The following ADD3 variants were observed in gnomAD, a reference collection of about 807,000 sequenced individuals.
ADD3 encodes the protein gamma-adducin.
In ADD3, 25 loss-of-function variants were observed where a neutral mutation model predicts 80.2. The ratio of observed to expected loss-of-function variants is 0.31; its 90% confidence interval spans 0.23 to 0.44. The LOEUF (loss-of-function observed/expected upper bound fraction) is 0.44. Ranked by LOEUF, ADD3 falls within the 20% of genes least tolerant of loss-of-function variation. The pLI is 1.00. For synonymous variants in ADD3, 284 were observed against 289.6 expected, an observed-to-expected ratio of 0.98 and a Z score of 0.20; for missense variants, 829 against 847.5, an observed-to-expected ratio of 0.98 and a Z score of 0.27.
intron 1 of ADD3, among the ~76,000 whole-genome samples, chr10:110,087,075 G>A (rs2481113): frequency 0.066 from 9,979 of 151,970 alleles, 556 homozygotes; most frequent in African/African-American, 0.15. Flanking sequence ...CACCCAGGCT[G>A]GAGTGCAGTG....
At chr10:110,032,171 A>G (rs1397274696) in intron 1 of ADD3, among the ~76,000 whole-genome samples, 2 of 152,218 alleles carry the variant, frequency 1.3e-5, no homozygotes, top group Non-Finnish European at 2.9e-5. Flanking sequence ...GTTGAAGTAA[A>G]ATAATGGGAT....
chr10:110,081,021 A>G (rs1564942294), intron 1 of ADD3, among the ~76,000 whole-genome samples: 1 of 152,230 alleles, frequency 6.6e-6, no homozygotes, highest in Non-Finnish European at 1.5e-5. Flanking sequence ...TGTTCTAAAG[A>G]TAAAATGATG....
chr10:110,055,689 T>C (rs1347269751), intron 1 of ADD3, among the ~76,000 whole-genome samples: 1 of 152,224 alleles, frequency 6.6e-6, no homozygotes, highest in Non-Finnish European at 1.5e-5. Flanking sequence ...TTAGTAACTC[T>C]GTGTCCTTGA....
At chr10:110,131,073 TA>T (rs962891092) in intron 13 of ADD3, among the ~76,000 whole-genome samples, 1 of 152,210 alleles carries the variant, frequency 6.6e-6, no homozygotes, top group South Asian at 2.1e-4. Context: ...TGATGCTTTG[TA>T]AAATCTCTAT....
chr10:110,084,026 T>C (rs1480858037), intron 1 of ADD3, among the ~76,000 whole-genome samples: 2 of 152,208 alleles, frequency 1.3e-5, no homozygotes, highest in African/African-American at 4.8e-5. Context: ...TACAGCTAAA[T>C]AGACACTATA....
intron 1 of ADD3, among the ~76,000 whole-genome samples, chr10:109,999,979 G>C (rs1441107392): frequency 6.6e-6 from 1 of 150,786 alleles, no homozygotes; most frequent in Non-Finnish European, 1.5e-5. Context: ...GAATACAATG[G>C]TGCGATCTCG....
intron 1 of ADD3, among the ~76,000 whole-genome samples, chr10:110,020,251 T>C (rs927895031): frequency 3.9e-5 from 6 of 152,216 alleles, no homozygotes; most frequent in Admixed American, 6.5e-5. Context: ...AATTTGGCAG[T>C]AAGCAAAACA....
intron 1 of ADD3, among the ~76,000 whole-genome samples, chr10:110,021,341 T>G (rs1325116371): frequency 6.6e-6 from 1 of 152,170 alleles, no homozygotes; most frequent in Non-Finnish European, 1.5e-5. Context: ...TGGTAACGGT[T>G]TACGATCCAG....
At chr10:110,085,823 G>A (rs1846658520) in intron 1 of ADD3, among the ~76,000 whole-genome samples, 1 of 152,162 alleles carries the variant, frequency 6.6e-6, no homozygotes, top group Admixed American at 6.5e-5. Context: ...AAACAGACTT[G>A]GGCCGGGCAT....
In ADD3 at chr10:110,116,418, C is replaced by A. The variant is rs757530468; in HGVS notation, c.486+8C>A. 2 of 1,612,412 alleles carry A rather than the reference C, an allele frequency of 1.2e-6. No homozygotes were observed. Among genetic ancestry groups the A allele is most frequent in the South Asian group, 1.1e-5 (1 of 90,752 alleles). On this transcript the variant is annotated splice_region_variant and intron_variant, in intron 4 of 14. Coordinates refer to ENST00000356080, the MANE Select transcript of ADD3 (RefSeq NM_016824.5). The stretch of plus-strand genomic sequence containing the variant: ...GCAAATACCTATATCTCAGTGAGTT[C>A]TTCAGCTTTCAATTCCTTTTTTAAA...
intron 1 of ADD3, among the ~76,000 whole-genome samples, chr10:110,073,840 A>G (rs1845064232): frequency 6.6e-6 from 1 of 152,164 alleles, no homozygotes; most frequent in African/African-American, 2.4e-5. Context: ...CCAACTGAGT[A>G]GAGGAACCCA....
At chr10:109,999,945 A>T (rs1456220168) in intron 1 of ADD3, among the ~76,000 whole-genome samples, 1 of 144,690 alleles carries the variant, frequency 6.9e-6, no homozygotes, top group Non-Finnish European at 1.5e-5. Context: ...TTTGAGACAG[A>T]GTCTCAATGT....
rs61566100 is a variant in ADD3 at position 110,046,420 on chromosome 10, A to ATT, written c.-30+38135_-30+38136dup. Reference sequence around the variant, plus strand: ...GGGGATAGTCCAAAGTTATACGTGGATTTTTTTTTTTTTTTGACTGCGTCA... The same window carrying ATT: ...GGGGATAGTCCAAAGTTATACGTGGATTTTTTTTTTTTTTTTTGACTGCGTCA... On this transcript the variant is annotated intron_variant, in intron 1 of 14. Coordinates refer to ENST00000356080, the MANE Select transcript of ADD3 (RefSeq NM_016824.5). Among the ~76,000 whole-genome samples, 1,039 of 142,838 alleles carry ATT rather than the reference A, an allele frequency of 7.3e-3. 37 individuals carry two copies. In the East Asian group the frequency reaches 0.11, roughly 15 times the overall value. The allele number at this position is 142,838 out of a possible 152,430, so 93.7% of individuals were successfully genotyped here.
intron 1 of ADD3, among the ~76,000 whole-genome samples, chr10:110,066,872 A>G (rs906870570): frequency 6.6e-6 from 1 of 152,208 alleles, no homozygotes; most frequent in African/African-American, 2.4e-5. Context: ...GGTGTGATCT[A>G]TATAATGACA....
chr10:110,061,582 G>C (rs1254936800), intron 1 of ADD3, among the ~76,000 whole-genome samples: 1 of 152,170 alleles, frequency 6.6e-6, no homozygotes, highest in Admixed American at 6.5e-5. Context: ...GGTGCTTGTA[G>C]AGGAAGGAAT....
At chr10:110,018,526 C>CGAA (rs1853268369) in intron 1 of ADD3, among the ~76,000 whole-genome samples, 1 of 49,508 alleles carries the variant, frequency 2.0e-5, no homozygotes, top group Non-Finnish European at 4.7e-5. Context: ...GACTTTGTCT[C>CGAA]AAAAAAAAAA....
intron 1 of ADD3, among the ~76,000 whole-genome samples, chr10:110,073,235 C>T (rs772156339): frequency 1.5e-4 from 22 of 150,436 alleles, no homozygotes; most frequent in Admixed American, 5.3e-4. Context: ...CTCCACCTCC[C>T]GGGTTCATGC....
chr10:110,063,737 T>TTATATATATATATATATATATA (rs139871560), intron 1 of ADD3, among the ~76,000 whole-genome samples: 1 of 64,656 alleles, frequency 1.5e-5, no homozygotes, highest in Non-Finnish European at 3.3e-5. Context: ...TATATATTCA[T>TTATATATATATATATATATATA]TATATATATA....
At position 110,134,330 on chromosome 10, in the gene ADD3, CAAA is replaced by C. The variant is rs34106955; in HGVS notation, c.*727_*729del. The C allele has an allele frequency of 8.7e-5, 12 of 137,374 alleles. No homozygotes were observed. Among genetic ancestry groups the C allele is most frequent in the Non-Finnish European group, 1.1e-4 (7 of 61,106 alleles). 8.5% of individuals were successfully genotyped at this position (137,374 alleles called of 1,614,324 possible). A position where few individuals can be genotyped will look rare whatever the true frequency, so the allele number is the denominator to read the frequency against. ...CATGGGTTATTTAGTTTAACTCTGGCAAAAAAAAAAAAAAAAATTTTGTATGTT... is the reference window on the plus strand; with the variant it reads ...CATGGGTTATTTAGTTTAACTCTGGCAAAAAAAAAAAAAATTTTGTATGTT... On this transcript the variant is annotated 3_prime_UTR_variant, in exon 15 of 15. Coordinates refer to ENST00000356080, the MANE Select transcript of ADD3 (RefSeq NM_016824.5).
Sources: allele counts gnomAD v4.1 joint callset (sites outside exome capture counted in the v4.1 genomes callset), GRCh38; gene constraint gnomAD v4.1.1; transcripts MANE v1.5; gene names NCBI Gene and HGNC (gene_info 2026-07-23, HGNC 2026-07-21).